The following ROCK2 variants were observed in gnomAD, a reference collection of about 807,000 sequenced individuals.
The protein encoded by ROCK2 is Rho associated coiled-coil containing protein kinase 2, also known as rho-associated protein kinase 2.
ROCK2 carries 61 observed loss-of-function variants against 195.1 expected under a neutral mutation model. The ratio of observed to expected loss-of-function variants is 0.31; its 90% CI spans 0.25 to 0.39. ROCK2 has a LOEUF of 0.39. Ranked by LOEUF, ROCK2 falls within the 10% of genes least tolerant of loss-of-function variation. The pLI, the probability that ROCK2 is intolerant of heterozygous loss-of-function variation, is 1.00. For synonymous variants in ROCK2, 504 were observed against 545.5 expected, an observed-to-expected ratio of 0.92 and a Z score of 1.06; for missense variants, 1,109 against 1,637.4, an observed-to-expected ratio of 0.68 and a Z score of 5.57.
chr2:11,308,783 A>G, intron 1 of ROCK2: 3 of 1,612,486 alleles, frequency 1.9e-6, no homozygotes, highest in Non-Finnish European at 2.5e-6. Flanking sequence ...GTTTACCAGC[A>G]CCAAGTGTTT....
chr2:11,250,962 C>T (rs528504121), intron 3 of ROCK2, among the ~76,000 whole-genome samples: 2 of 152,296 alleles, frequency 1.3e-5, no homozygotes, highest in South Asian at 4.1e-4. Flanking sequence ...CCTGGAATCA[C>T]CTCCTGTAGC....
intron 1 of ROCK2, among the ~76,000 whole-genome samples, chr2:11,325,056 C>A (rs1241236726): frequency 6.6e-6 from 1 of 152,210 alleles, no homozygotes; most frequent in African/African-American, 2.4e-5. Context: ...CAAACCAATT[C>A]TCCATTATCA....
chr2:11,255,956 G>GAAAAAAAAAAA (rs1666019736), intron 3 of ROCK2, among the ~76,000 whole-genome samples: 1 of 115,300 alleles, frequency 8.7e-6, no homozygotes. Flanking sequence ...AAAAAAAAAG[G>GAAAAAAAAAAA]AAACTATATG....
Position 11,197,463 on chromosome 2 carries a change from C to T in ROCK2, c.3279+63G>A. On this transcript the variant is annotated intron_variant, in intron 26 of 32. Transcript: ENST00000315872. The surrounding 1 kb of genome is among the most constrained non-coding windows in gnomAD (Gnocchi z 4.9). Reference sequence around the variant, plus strand: ...TGGTCTATAACCAGTAAAACACAGACATGAAAATAATTCTACTTCTTAAAA... The same window carrying T: ...TGGTCTATAACCAGTAAAACACAGATATGAAAATAATTCTACTTCTTAAAA... 1.9e-6 allele frequency: 3 copies of T among 1,549,444 alleles called. No homozygotes were observed. The highest frequency in any genetic ancestry group is 1.2e-5 in the South Asian group (1 of 82,494).
chr2:11,318,972 T>C (rs1379912734), intron 1 of ROCK2, among the ~76,000 whole-genome samples: 1 of 152,222 alleles, frequency 6.6e-6, no homozygotes, highest in African/African-American at 2.4e-5. Context: ...TATCTCTGTT[T>C]TGGTACCAGT....
chr2:11,324,876 T>C (rs1668502242), intron 1 of ROCK2, among the ~76,000 whole-genome samples: 1 of 152,242 alleles, frequency 6.6e-6, no homozygotes, highest in Non-Finnish European at 1.5e-5. Context: ...TTAAAATATC[T>C]ATTCGTTTTC....
intron 3 of ROCK2, among the ~76,000 whole-genome samples, chr2:11,273,218 CAGAGATTGGCAGAA>C (rs1349338663): frequency 1.3e-5 from 2 of 148,262 alleles, no homozygotes; most frequent in East Asian, 4.0e-4. Flanking sequence ...AATCAAAAGA[CAGAGATTGGCAGAA>C]TGAATTAAAA....
chr2:11,235,085 C>G lies in ROCK2; in HGVS notation c.723+617G>C, dbSNP rs1665155207. ...ACCGATCCCTCTCCATCAAGAATTA[C>G]TTACTGCACACTTACAGAGAAAAGG... On this transcript the variant is annotated intron_variant, in intron 5 of 32. Transcript: ENST00000315872. This position sits in a 1 kb window ranked among gnomAD's most constrained non-coding sequence, Gnocchi z 4.2. Among the ~76,000 whole-genome samples, 1 of 152,124 alleles carries G rather than the reference C, an allele frequency of 6.6e-6. No homozygotes were observed. The highest frequency in any genetic ancestry group is 1.5e-5 in the Non-Finnish European group (1 of 67,992).
At chr2:11,309,250 TA>T (rs1409966907) in intron 1 of ROCK2, among the ~76,000 whole-genome samples, 1 of 152,032 alleles carries the variant, frequency 6.6e-6, no homozygotes, top group African/African-American at 2.4e-5. Context: ...AGAAATGATT[TA>T]AAGTATACAG....
chr2:11,236,744 A>G (rs1665220098), intron 4 of ROCK2, among the ~76,000 whole-genome samples: 1 of 152,252 alleles, frequency 6.6e-6, no homozygotes, highest in Non-Finnish European at 1.5e-5. Context: ...AGATAAAACT[A>G]AGAATCAATA....
intron 1 of ROCK2, among the ~76,000 whole-genome samples, chr2:11,310,467 G>A (rs1281555266): frequency 1.3e-5 from 2 of 152,142 alleles, no homozygotes; most frequent in African/African-American, 2.4e-5. Flanking sequence ...GCAATACTGA[G>A]AGAATTCCTG....
intron 4 of ROCK2, among the ~76,000 whole-genome samples, chr2:11,243,956 A>G (rs1160852516): frequency 6.6e-6 from 1 of 152,250 alleles, no homozygotes; most frequent in Non-Finnish European, 1.5e-5. Context: ...TTAAAAAACA[A>G]TCATACGTTA....
At chr2:11,292,272 T>C (rs1221775564) in intron 1 of ROCK2, among the ~76,000 whole-genome samples, 1 of 152,216 alleles carries the variant, frequency 6.6e-6, no homozygotes, top group Non-Finnish European at 1.5e-5. Flanking sequence ...ATTATACAGG[T>C]TAATACAGCA....
At chr2:11,289,314 T>C (rs1667292245) in intron 1 of ROCK2, among the ~76,000 whole-genome samples, 1 of 152,210 alleles carries the variant, frequency 6.6e-6, no homozygotes, top group East Asian at 1.9e-4. Context: ...TTTCAAGGAT[T>C]CTAACATTTG....
chr2:11,254,989 G>T (rs370132343), intron 3 of ROCK2, among the ~76,000 whole-genome samples: 1 of 151,840 alleles, frequency 6.6e-6, no homozygotes, highest in African/African-American at 2.4e-5. Context: ...AGGCTGAGGC[G>T]GGCAGATCAT....
Position 11,286,586 on chromosome 2 carries a change from C to G in ROCK2, c.277G>C (p.Asp93His), listed in dbSNP as rs1419079002. Residue 93 changes from aspartate (D) to histidine (H), a missense_variant, in exon 3 of 33, where the codon GAT becomes CAT. By Grantham distance (81) the Asp-to-His change is moderately conservative. Transcript: ENST00000315872. ...RGLQMKAEDY[D>H]VVKVIGRGAF... ...CCTCTTCCAATAACTTTTACAACATCATAGTCTTCTGCCTTCATCTGTAGA... is the reference window on the plus strand; with the variant it reads ...CCTCTTCCAATAACTTTTACAACATGATAGTCTTCTGCCTTCATCTGTAGA... The G allele has an allele frequency of 1.2e-6, 2 of 1,612,892 alleles. No individual in the cohort carries two copies. The highest frequency in any genetic ancestry group is 1.7e-6 in the Non-Finnish European group (2 of 1,179,158).
intron 1 of ROCK2, among the ~76,000 whole-genome samples, chr2:11,315,811 A>G (rs1176617001): frequency 2.6e-5 from 4 of 152,136 alleles, no homozygotes; most frequent in African/African-American, 9.7e-5. Context: ...ATTAAATTAC[A>G]TATATCTAAA....
upstream of ROCK2, among the ~76,000 whole-genome samples, chr2:11,344,865 G>A (rs1669248162): frequency 6.6e-6 from 1 of 150,688 alleles, no homozygotes; most frequent in Admixed American, 6.6e-5. The surrounding 1 kb of genome is among the most constrained non-coding windows in gnomAD (Gnocchi z 5.4). Context: ...CCGGGCGCGC[G>A]GTCACGGCCG....
At position 11,226,932 on chromosome 2, in the gene ROCK2, A is replaced by G. The variant is rs966025665; in HGVS notation, c.868+322T>C. Among the ~76,000 whole-genome samples the G allele has an allele frequency of 5.4e-3, 773 of 143,522 alleles. 4 individuals carry two copies. Among genetic ancestry groups the G allele is most frequent in the Middle Eastern group, 0.011 (3 of 270 alleles). The allele number at this position is 143,522 out of a possible 152,430, so 94.2% of individuals were successfully genotyped here. A position where few individuals can be genotyped will look rare whatever the true frequency, so the allele number is the denominator to read the frequency against. On this transcript the variant is annotated intron_variant, in intron 6 of 32. Coordinates refer to ENST00000315872, the MANE Select transcript of ROCK2 (RefSeq NM_004850.5). Reference sequence around the variant, plus strand: ...CCTCAGAAAAAAAAAAAAAAAAAAAAAAGAAGGAAAATCTTAGAATGAAGG... The same window carrying G: ...CCTCAGAAAAAAAAAAAAAAAAAAAGAAGAAGGAAAATCTTAGAATGAAGG...
Sources: gnomAD v4.1 joint callset for allele counts (sites outside exome capture counted in the v4.1 genomes callset) on GRCh38, gnomAD v4.1.1 for gene constraint, Gnocchi (gnomAD v3.1) non-coding constraint, MANE v1.5 for transcripts, NCBI Gene and HGNC (gene_info 2026-07-23, HGNC 2026-07-21) for gene names.